Variants in GUCY1A2 observed in about 807,000 individuals in gnomAD.
GUCY1A2 encodes guanylate cyclase soluble subunit alpha-2.
In GUCY1A2, 27 loss-of-function variants were observed where a neutral mutation model predicts 63.5. The ratio of observed to expected loss-of-function variants is 0.43; its 90% CI spans 0.31 to 0.59. The LOEUF is 0.59. GUCY1A2 is among the 20% of genes least tolerant of loss of function. The pLI is 0.11. For synonymous variants in GUCY1A2, 364 were observed against 343.5 expected, an observed-to-expected ratio of 1.06 and a Z score of -0.66; for missense variants, 768 against 913.3, an observed-to-expected ratio of 0.84 and a Z score of 2.05.
chr11:106,815,917 A>C (rs1018384945), intron 4 of GUCY1A2, among the ~76,000 whole-genome samples: 1 of 151,978 alleles, frequency 6.6e-6, no homozygotes, highest in African/African-American at 2.4e-5. Context: ...AAGAAGCAAG[A>C]AATGGATTCT....
chr11:106,773,168 A>ATTTTGT (rs939789913), intron 6 of GUCY1A2, among the ~76,000 whole-genome samples: 3 of 139,172 alleles, frequency 2.2e-5, no homozygotes, highest in Admixed American at 7.7e-5. Flanking sequence ...ACCAGCTTGA[A>ATTTTGT]TTTTGTGTTA....
intron 3 of GUCY1A2, among the ~76,000 whole-genome samples, chr11:106,942,817 C>T (rs1169412561): frequency 6.6e-6 from 1 of 152,130 alleles, no homozygotes; most frequent in African/African-American, 2.4e-5. Flanking sequence ...ACTCTATGCG[C>T]AGCAATCTAT....
intron 4 of GUCY1A2, among the ~76,000 whole-genome samples, chr11:106,828,357 C>T (rs1244173106): frequency 6.6e-6 from 1 of 151,754 alleles, no homozygotes; most frequent in East Asian, 1.9e-4. Context: ...TGTGATCCAT[C>T]TTGAGTTGAT....
At chr11:106,709,684 ATTATATACACGTATAGAATATATAG>A (rs1420969364) in intron 6 of GUCY1A2, among the ~76,000 whole-genome samples, 690 of 55,224 alleles carry the variant, frequency 0.012, 6 homozygotes, top group Middle Eastern at 0.04. Flanking sequence ...ATAGTTATAT[ATTATATACACGTATAGAATATATAG>A]TTATATACAC....
rs1864138812 is a variant in GUCY1A2 at position 106,765,039 on chromosome 11, G to A, written c.1836+11400C>T. Among the ~76,000 whole-genome samples the A allele has an allele frequency of 2.6e-5, 4 of 151,396 alleles. No individual in the cohort carries two copies. In the South Asian group the frequency reaches 8.3e-4, roughly 32 times the overall value. On this transcript the variant is annotated intron_variant, in intron 6 of 7. Transcript: ENST00000526355. ...GGCACAAGTCTGACATCTGGAAAGT[G>A]TCCAGTATGCATTTTTTCCTCTATA...
intron 1 of GUCY1A2, among the ~76,000 whole-genome samples, chr11:107,014,079 C>CTTTTTTTTTTTTT (rs71044206): frequency 1.4e-5 from 1 of 70,018 alleles, no homozygotes; most frequent in Non-Finnish European, 2.5e-5. Flanking sequence ...CCATGTTTTC[C>CTTTTTTTTTTTTT]TTTTTTTTTT....
At chr11:106,930,877 C>A (rs1183546551) in intron 4 of GUCY1A2, among the ~76,000 whole-genome samples, 1 of 152,178 alleles carries the variant, frequency 6.6e-6, no homozygotes, top group Non-Finnish European at 1.5e-5. Context: ...AGTTCGAGAC[C>A]AGCATATGGC....
At chr11:106,892,528 C>T (rs1343009071) in intron 4 of GUCY1A2, among the ~76,000 whole-genome samples, 1 of 152,112 alleles carries the variant, frequency 6.6e-6, no homozygotes, top group Admixed American at 6.6e-5. Context: ...TGAAATGTGT[C>T]AATCTTCCTA....
intron 4 of GUCY1A2, among the ~76,000 whole-genome samples, chr11:106,916,015 GA>G (rs1860365325): frequency 6.9e-6 from 1 of 144,978 alleles, no homozygotes; most frequent in Non-Finnish European, 1.5e-5. Context: ...AAAGTAAGGG[GA>G]TAAGATACAT....
chr11:106,868,830 G>A (rs1046301068), intron 4 of GUCY1A2, among the ~76,000 whole-genome samples: 4 of 152,160 alleles, frequency 2.6e-5, no homozygotes, highest in African/African-American at 9.7e-5. Flanking sequence ...CAAAGCTGGA[G>A]GCATCACGCT....
intron 4 of GUCY1A2, among the ~76,000 whole-genome samples, chr11:106,877,256 T>A (rs1859762781): frequency 1.3e-5 from 2 of 152,162 alleles, no homozygotes; most frequent in South Asian, 4.1e-4. Flanking sequence ...TAGGATCAAG[T>A]CATCTGCAAA....
intron 1 of GUCY1A2, among the ~76,000 whole-genome samples, chr11:106,990,585 CTG>C (rs139110040): frequency 7.2e-5 from 11 of 151,794 alleles, no homozygotes; most frequent in South Asian, 2.1e-4. Flanking sequence ...CTCTCTCTCT[CTG>C]TGTGTGTGTG....
At chr11:106,749,954 G>T (rs1227463030) in intron 6 of GUCY1A2, among the ~76,000 whole-genome samples, 2 of 152,096 alleles carry the variant, frequency 1.3e-5, no homozygotes, top group African/African-American at 2.4e-5. Context: ...TGTATACATA[G>T]GAGAGAGTTT....
chr11:106,892,026 A>G (rs1454858036), intron 4 of GUCY1A2, among the ~76,000 whole-genome samples: 2 of 152,110 alleles, frequency 1.3e-5, no homozygotes, highest in African/African-American at 4.8e-5. Flanking sequence ...TGAACATAGT[A>G]TATTTCAATA....
chr11:106,884,123 T>C (rs1316473283), intron 4 of GUCY1A2, among the ~76,000 whole-genome samples: 1 of 151,988 alleles, frequency 6.6e-6, no homozygotes, highest in African/African-American at 2.4e-5. Context: ...ATGGCACATG[T>C]ATACGTATGT....
chr11:106,888,047 A>T (rs1452405506), intron 4 of GUCY1A2, among the ~76,000 whole-genome samples: 1 of 151,970 alleles, frequency 6.6e-6, no homozygotes, highest in African/African-American at 2.4e-5. Context: ...TGCCTGACAA[A>T]GTCTCTCTCT....
At chr11:106,863,270 C>T (rs181169782) in intron 4 of GUCY1A2, among the ~76,000 whole-genome samples, 110 of 151,962 alleles carry the variant, frequency 7.2e-4, no homozygotes, top group African/African-American at 2.5e-3. Context: ...TTTTGGTTTT[C>T]GGTCTTAGAT....
chr11:106,849,544 G>A (rs747345378), intron 4 of GUCY1A2, among the ~76,000 whole-genome samples: 6 of 151,348 alleles, frequency 4.0e-5, no homozygotes, highest in South Asian at 2.1e-4. Flanking sequence ...AGTGTATTTC[G>A]AGGAATAATG....
At position 107,011,531 on chromosome 11, in the gene GUCY1A2, T is replaced by A. The variant is rs1861744217; in HGVS notation, c.303+6222A>T. ...ATATAATATATATAAAATATATTTT[T>A]AATATATTAAATATATAAATATATT... On this transcript the variant is annotated intron_variant, in intron 1 of 7. Coordinates refer to ENST00000526355, the MANE Select transcript of GUCY1A2 (RefSeq NM_000855.3). 4.1e-5 allele frequency among the ~76,000 whole-genome samples: 6 copies of A among 147,088 alleles called. No individual in the cohort carries two copies. The Admixed American group carries it at 4.1e-4, about 10-fold the overall frequency.
Sources: gnomAD v4.1 joint callset for allele counts (sites outside exome capture counted in the v4.1 genomes callset) on GRCh38, gnomAD v4.1.1 for gene constraint, MANE v1.5 for transcripts, NCBI Gene and HGNC (gene_info 2026-07-23, HGNC 2026-07-21) for gene names.